The following RDH10 variants were observed in gnomAD, a reference collection of about 807,000 sequenced individuals.
The protein encoded by RDH10 is retinol dehydrogenase 10 (all-trans).
In RDH10, 12 loss-of-function variants were observed where a neutral mutation model predicts 30.2. The ratio of observed to expected loss-of-function variants is 0.40; its 90% CI spans 0.25 to 0.64. The LOEUF is 0.64. RDH10 is among the 30% of genes least tolerant of loss of function. The pLI is 0.43. For missense variants in RDH10, 268 were observed against 445.2 expected, an observed-to-expected ratio of 0.60 and a Z score of 3.58; for synonymous variants, 189 against 172.2, an observed-to-expected ratio of 1.10 and a Z score of -0.76.
intron 2 of RDH10, among the ~76,000 whole-genome samples, chr8:73,299,260 TG>T (rs980524889): frequency 2.0e-5 from 3 of 152,108 alleles, no homozygotes; most frequent in Admixed American, 6.5e-5. Context: ...TTGTGTTCAG[TG>T]GGGGTGGGGA....
In RDH10 at chr8:73,297,448, G is replaced by A. The variant is rs776188694; in HGVS notation, c.525+19G>A. 1 of 1,555,742 alleles carries A rather than the reference G, an allele frequency of 6.4e-7. No homozygotes were observed. Among genetic ancestry groups the A allele is most frequent in the Non-Finnish European group, 8.9e-7 (1 of 1,126,922 alleles). On this transcript the variant is annotated intron_variant, in intron 2 of 5. Transcript: ENST00000240285. ...CTTCTGGGTAAATATAAACATCCTT[G>A]TTTTCTTTGCTGGGCCCTCCTTAAT...
At chr8:73,314,582 T>A (rs1482234751) in intron 2 of RDH10, among the ~76,000 whole-genome samples, 1 of 152,154 alleles carries the variant, frequency 6.6e-6, no homozygotes, top group Non-Finnish European at 1.5e-5. Flanking sequence ...CTGATGTGGG[T>A]GCTCCTACCC....
intron 2 of RDH10, chr8:73,311,876 A>G (rs1814570307): frequency 6.6e-6 from 1 of 152,260 alleles, no homozygotes; most frequent in Non-Finnish European, 1.5e-5. Context: ...AGAGGCTATT[A>G]TGCAACAACA....
chr8:73,299,955 A>T (rs1460200338), intron 2 of RDH10, among the ~76,000 whole-genome samples: 1 of 152,200 alleles, frequency 6.6e-6, no homozygotes, highest in East Asian at 1.9e-4. Flanking sequence ...AAATCTCTAA[A>T]TAGAAAAATT....
intron 2 of RDH10, 185 bp downstream of exon 2, chr8:73,297,614 C>A: frequency 1.8e-6 from 1 of 549,296 alleles, no homozygotes; most frequent in Non-Finnish European, 3.3e-6. Context: ...CCCGCCCACC[C>A]CCCCGCCACC....
intron 2 of RDH10, among the ~76,000 whole-genome samples, chr8:73,308,065 T>C (rs1814493394): frequency 6.6e-6 from 1 of 152,194 alleles, no homozygotes; most frequent in African/African-American, 2.4e-5. Flanking sequence ...GTCACCCAGC[T>C]TCCTTCTTTC....
intron 2 of RDH10, among the ~76,000 whole-genome samples, chr8:73,314,860 T>C (rs959074700): frequency 6.6e-6 from 1 of 152,182 alleles, no homozygotes; most frequent in African/African-American, 2.4e-5. Context: ...TACATTGGAT[T>C]TAATTTATAC....
chr8:73,315,640 A>G (rs1296665723), intron 2 of RDH10: 1 of 453,462 alleles, frequency 2.2e-6, no homozygotes, highest in Non-Finnish European at 4.4e-6. Flanking sequence ...AATACAGGGA[A>G]GTCATTACAG....
rs1814798632 is a variant in RDH10 at position 73,323,188 on chromosome 8, C to T, written c.*152C>T. ...TTAAAAAAATAAAGTGTAAATTAAC[C>T]GACTAGAGTACTTGGAAAATGTGAT... On this transcript the variant is annotated 3_prime_UTR_variant, in exon 6 of 6. Coordinates refer to ENST00000240285, the MANE Select transcript of RDH10 (RefSeq NM_172037.5). 1.4e-5 allele frequency: 9 copies of T among 632,990 alleles called. No homozygotes were observed. The highest frequency in any genetic ancestry group is 6.0e-5 in the South Asian group (3 of 49,780). The allele number at this position is 632,990 out of a possible 1,614,324, so 39.2% of individuals were successfully genotyped here.
In RDH10 at chr8:73,323,415, TA is replaced by T. The variant is rs1013629608; in HGVS notation, c.*382del. The T allele has an allele frequency of 1.1e-5, 2 of 174,794 alleles. No homozygotes were observed. Among genetic ancestry groups the T allele is most frequent in the Admixed American group, 1.1e-4 (2 of 18,362 alleles). The allele number at this position is 174,794 out of a possible 1,614,324, so 10.8% of individuals were successfully genotyped here. A position where few individuals can be genotyped will look rare whatever the true frequency, so the allele number is the denominator to read the frequency against. ...CCCAGAGTTTACTCATTCTTGTTAT[TA>T]AACTCTAGCCAGTTGACATCTTCGC... On this transcript the variant is annotated 3_prime_UTR_variant, in exon 6 of 6. Coordinates refer to ENST00000240285, the MANE Select transcript of RDH10 (RefSeq NM_172037.5).
chr8:73,302,883 G>T (rs952494409), intron 2 of RDH10, among the ~76,000 whole-genome samples: 3 of 152,146 alleles, frequency 2.0e-5, no homozygotes, highest in Non-Finnish European at 4.4e-5. Flanking sequence ...GCTGCATTTG[G>T]CCTTTATACG....
Position 73,317,329 on chromosome 8 carries a change from A to G in RDH10, c.526-1767A>G, listed in dbSNP as rs146988307. On this transcript the variant is annotated intron_variant, in intron 2 of 5. Transcript: ENST00000240285. Reference sequence around the variant, plus strand: ...TAAAGCGCTTTGAAAAGCATGAGAGACTATATAAATATGTGATGAATATTA... The same window carrying G: ...TAAAGCGCTTTGAAAAGCATGAGAGGCTATATAAATATGTGATGAATATTA... Among the ~76,000 whole-genome samples, 86 of 152,322 alleles carry G rather than the reference A, an allele frequency of 5.6e-4. 2 individuals are homozygous for G. Among genetic ancestry groups the G allele is most frequent in the African/African-American group, 2.0e-3 (83 of 41,564 alleles).
Position 73,324,024 on chromosome 8 carries a change from T to C in RDH10, c.*988T>C, listed in dbSNP as rs896533946. On this transcript the variant is annotated 3_prime_UTR_variant, in exon 6 of 6. Coordinates refer to ENST00000240285, the MANE Select transcript of RDH10 (RefSeq NM_172037.5). ...CTAATTATCCTAAAAGATCATACAT[T>C]TTCTACCTATGAATTTTGCTGCATA... 1 of 152,652 alleles carries C rather than the reference T, an allele frequency of 6.6e-6. No homozygotes were observed. Among genetic ancestry groups the C allele is most frequent in the Admixed American group, 6.5e-5 (1 of 15,272 alleles). The allele number at this position is 152,652 out of a possible 1,614,324, so 9.5% of individuals were successfully genotyped here. A position where few individuals can be genotyped will look rare whatever the true frequency, so the allele number is the denominator to read the frequency against.
chr8:73,317,568 A>G (rs1814695011), intron 2 of RDH10, among the ~76,000 whole-genome samples: 1 of 152,216 alleles, frequency 6.6e-6, no homozygotes. Flanking sequence ...GTGGGAGCAC[A>G]GAAAAACATC....
chr8:73,307,244 G>A (rs1265515467), intron 2 of RDH10, among the ~76,000 whole-genome samples: 1 of 152,140 alleles, frequency 6.6e-6, no homozygotes, highest in Non-Finnish European at 1.5e-5. Flanking sequence ...CTAGGACTTG[G>A]GATGAAAGGG....
At chr8:73,304,124 C>T (rs1456279818) in intron 2 of RDH10, among the ~76,000 whole-genome samples, 1 of 152,202 alleles carries the variant, frequency 6.6e-6, no homozygotes, top group Non-Finnish European at 1.5e-5. Context: ...CCATGATAAG[C>T]CCACTTTGTC....
chr8:73,298,227 C>T (rs965799030), intron 2 of RDH10, among the ~76,000 whole-genome samples: 1 of 152,154 alleles, frequency 6.6e-6, no homozygotes, highest in Admixed American at 6.5e-5. Flanking sequence ...GCTCTTTTTC[C>T]TCACAGTATT....
intron 2 of RDH10, among the ~76,000 whole-genome samples, chr8:73,301,345 C>G (rs974233226): frequency 4.0e-5 from 6 of 151,480 alleles, no homozygotes. Flanking sequence ...CCACCGCGCC[C>G]GGCCAAAACT....
intron 3 of RDH10, among the ~76,000 whole-genome samples, chr8:73,319,517 C>G (rs1370346107): frequency 6.6e-6 from 1 of 152,170 alleles, no homozygotes. Context: ...AGAGCAAGAC[C>G]CTGTCTCTAA....
Sources: allele counts gnomAD v4.1 joint callset (sites outside exome capture counted in the v4.1 genomes callset), GRCh38; gene constraint gnomAD v4.1.1; transcripts MANE v1.5; gene names NCBI Gene and HGNC (gene_info 2026-07-23, HGNC 2026-07-21).